The following COG6 variants were observed in gnomAD, a reference collection of about 807,000 sequenced individuals.
COG6 encodes component of oligomeric golgi complex 6.
COG6 carries 74 observed loss-of-function variants against 88.8 expected under a neutral mutation model. The observed-to-expected ratio is 0.83, with a 90% confidence interval of 0.69 to 1.01. The LOEUF is 1.01. Among genes scored for constraint, COG6 ranks in the 50% least tolerant of loss-of-function variants. The pLI is 0.00. For synonymous variants in COG6, 286 were observed against 278.7 expected (o/e 1.03, Z -0.26); for missense variants, 800 against 797.9 (o/e 1.00, Z -0.03).
At chr13:39,689,974 AAAT>A (rs1876889750) in intron 11 of COG6, 150 bp downstream of exon 11, 4 of 499,836 alleles carry the variant, frequency 8.0e-6, no homozygotes, top group Non-Finnish European at 1.1e-5. Context: ...AAACATTTTA[AAAT>A]AATAATTGCC....
chr13:39,658,829 A>C (rs1874698862), intron 1 of COG6, among the ~76,000 whole-genome samples: 1 of 152,176 alleles, frequency 6.6e-6, no homozygotes, highest in African/African-American at 2.4e-5. Flanking sequence ...CCAGTTATTC[A>C]GTTTCTAGCC....
At chr13:39,789,751 G>A (rs1881886016) in exon 19 of COG6, 1 of 152,282 alleles carries the variant, frequency 6.6e-6, no homozygotes, top group South Asian at 2.1e-4. Flanking sequence ...AGCAGCAGGA[G>A]CCACGTTCGT....
At chr13:39,676,824 G>T (rs1468422254) in intron 4 of COG6, among the ~76,000 whole-genome samples, 1 of 152,094 alleles carries the variant, frequency 6.6e-6, no homozygotes, top group Non-Finnish European at 1.5e-5. Flanking sequence ...TGTGGGTATT[G>T]ATTCTTCTCA....
chr13:39,663,927 A>G (rs928691329), intron 3 of COG6: 6 of 152,002 alleles, frequency 3.9e-5, no homozygotes, highest in Non-Finnish European at 8.8e-5. Flanking sequence ...ATGCAAAATT[A>G]TCTAGGTTCA....
intron 4 of COG6, among the ~76,000 whole-genome samples, chr13:39,671,802 A>AG (rs1875660554): frequency 6.6e-6 from 1 of 151,896 alleles, no homozygotes; most frequent in South Asian, 2.1e-4. Flanking sequence ...TTTATTATAT[A>AG]TTTTCCATGT....
chr13:39,741,732 C>T (rs766593220), intron 18 of COG6, among the ~76,000 whole-genome samples: 66 of 151,972 alleles, frequency 4.3e-4, no homozygotes, highest in Non-Finnish European at 8.4e-4. Flanking sequence ...GGCCAACATT[C>T]AAATTCAGGA....
At chr13:39,736,316 T>C (rs1879742580) in intron 18 of COG6, among the ~76,000 whole-genome samples, 1 of 152,192 alleles carries the variant, frequency 6.6e-6, no homozygotes, top group Non-Finnish European at 1.5e-5. Context: ...TTCTTTAGCA[T>C]GTCACTTGTA....
At chr13:39,724,670 T>C in intron 17 of COG6, 109 bp downstream of exon 17, 1 of 812,126 alleles carries the variant, frequency 1.2e-6, no homozygotes, top group Non-Finnish European at 2.1e-6. Context: ...TCTCTTGACA[T>C]GCTGTATTAA....
At chr13:39,712,243 C>G (rs1878284714) in intron 13 of COG6, among the ~76,000 whole-genome samples, 1 of 152,104 alleles carries the variant, frequency 6.6e-6, no homozygotes, top group South Asian at 2.1e-4. Context: ...ATCTTTAATA[C>G]TGTACTTATG....
At chr13:39,749,039 C>T (rs1173505196) in intron 18 of COG6, among the ~76,000 whole-genome samples, 1 of 152,190 alleles carries the variant, frequency 6.6e-6, no homozygotes, top group Non-Finnish European at 1.5e-5. Flanking sequence ...TTGATGATGA[C>T]TTCATGACAT....
chr13:39,760,010 T>A (rs1880962227), intron 18 of COG6, among the ~76,000 whole-genome samples: 1 of 152,180 alleles, frequency 6.6e-6, no homozygotes, highest in Admixed American at 6.5e-5. Context: ...GTTTATAACT[T>A]TACTACCAGG....
chr13:39,660,562 G>A (rs1874832420), intron 2 of COG6, among the ~76,000 whole-genome samples: 1 of 152,136 alleles, frequency 6.6e-6, no homozygotes, highest in Non-Finnish European at 1.5e-5. Context: ...GGGATATTCA[G>A]TTTTATAAAG....
intron 18 of COG6, among the ~76,000 whole-genome samples, chr13:39,779,514 G>A (rs1370409787): frequency 6.6e-6 from 1 of 152,170 alleles, no homozygotes; most frequent in Non-Finnish European, 1.5e-5. Flanking sequence ...TTTCTCATCA[G>A]AGGAAGTGGT....
intron 10 of COG6, among the ~76,000 whole-genome samples, chr13:39,689,150 G>T (rs1370852531): frequency 6.6e-6 from 1 of 152,158 alleles, no homozygotes; most frequent in East Asian, 1.9e-4. Flanking sequence ...CAGTATTAAG[G>T]AAGTAAATAG....
intron 4 of COG6, among the ~76,000 whole-genome samples, chr13:39,667,415 T>A (rs532733633): frequency 2.0e-5 from 3 of 152,332 alleles, no homozygotes; most frequent in Non-Finnish European, 4.4e-5. Context: ...TTTATAGAAT[T>A]GCAAATTGCC....
chr13:39,759,621 C>T (rs1193611271), intron 18 of COG6, among the ~76,000 whole-genome samples: 1 of 152,076 alleles, frequency 6.6e-6, no homozygotes. Flanking sequence ...TACTTCACCT[C>T]TGAGAGAATG....
chr13:39,710,445 A>G (rs1272800459), intron 13 of COG6, among the ~76,000 whole-genome samples: 1 of 152,058 alleles, frequency 6.6e-6, no homozygotes, highest in Non-Finnish European at 1.5e-5. Context: ...GGACTGCTGT[A>G]TGGAGAATGG....
Position 39,719,729 on chromosome 13 carries a change from G to A in COG6, c.1486G>A (p.Asp496Asn). 6.2e-7 allele frequency: 1 copy of A among 1,612,664 alleles called. No individual in the cohort carries two copies. The highest frequency in any genetic ancestry group is 8.5e-7 in the Non-Finnish European group (1 of 1,179,012). The change falls in exon 15 of 19, where the codon GAC becomes AAC. Residue 496 changes from aspartate to asparagine, a missense_variant. Coordinates refer to ENST00000455146, the MANE Select transcript of COG6 (RefSeq NM_020751.3). ...TVSASNLGTA[D>N]MATFMVNSLY... ...ATCAGCCAGCAATTTAGGCACAGCT[G>A]ACATGGCCACTTTCATGGTCAATTC...
Position 39,677,535 on chromosome 13 carries a change from G to A in COG6, c.496G>A (p.Glu166Lys), listed in dbSNP as rs1876044830. 1 of 1,613,090 alleles carries A rather than the reference G, an allele frequency of 6.2e-7. No individual in the cohort carries two copies. Among genetic ancestry groups the A allele is most frequent in the Non-Finnish European group, 8.5e-7 (1 of 1,179,270 alleles). The change falls in exon 5 of 19, where the codon GAA becomes AAA. Residue 166 changes from glutamate (E) to lysine (K), a missense_variant. Coordinates refer to ENST00000455146, the MANE Select transcript of COG6 (RefSeq NM_020751.3). The stretch of plus-strand genomic sequence containing the variant: ...ATCCAAGTTCCAACTGACTTCTGAT[G>A]AAATGAGTCTTCTCCGAGGTACAAG... ...FLSKFQLTSD[E>K]MSLLRGTREG...
Sources: allele counts gnomAD v4.1 joint callset (sites outside exome capture counted in the v4.1 genomes callset), GRCh38; gene constraint gnomAD v4.1.1; transcripts MANE v1.5; gene names NCBI Gene and HGNC (gene_info 2026-07-23, HGNC 2026-07-21).